The following CSF2RA variants were observed in gnomAD, a reference collection of about 807,000 sequenced individuals.
The protein encoded by CSF2RA is granulocyte-macrophage colony-stimulating factor receptor subunit alpha.
In CSF2RA, 42 loss-of-function variants were observed where a neutral mutation model predicts 51.6. That is an observed-to-expected ratio of 0.81 (90% CI 0.64 to 1.05). CSF2RA has a LOEUF of 1.05. CSF2RA is among the 50% of genes least tolerant of loss of function. CSF2RA has a pLI of 0.00. For synonymous variants in CSF2RA, 222 were observed against 193.0 expected (o/e 1.15, Z -1.24); for missense variants, 530 against 501.1 (o/e 1.06, Z -0.55).
the CSF2RA span, among the ~76,000 whole-genome samples, chrX:1,322,463 A>G: frequency 7.7e-6 from 1 of 129,570 alleles, no homozygotes; most frequent in Non-Finnish European, 1.7e-5. Flanking sequence ...TTTTTTTGAA[A>G]GGTAGCTCTC....
intron 6 of CSF2RA, among the ~76,000 whole-genome samples, chrX:1,289,606 GTGTT>G (rs1318017322): frequency 6.7e-6 from 1 of 148,606 alleles, no homozygotes; most frequent in African/African-American, 2.5e-5. Flanking sequence ...TTTGTTTTTT[GTGTT>G]TGTTTTTGTT....
chrX:1,271,319 G>A (rs188026617), intron 1 of CSF2RA, among the ~76,000 whole-genome samples: 3 of 51,504 alleles, frequency 5.8e-5, no homozygotes, highest in African/African-American at 1.4e-4. Context: ...CACCACGCCC[G>A]GCTAATTTTT....
the CSF2RA span, among the ~76,000 whole-genome samples, chrX:1,322,973 CA>C: frequency 8.5e-4 from 128 of 151,012 alleles, no homozygotes; most frequent in Non-Finnish European, 2.9e-4. Context: ...ACTAAAAATA[CA>C]AAAAATTAGC....
In CSF2RA at chrX:1,309,568, C is replaced by A. The variant is rs1603439232; in HGVS notation, c.*89C>A. On this transcript the variant is annotated 3_prime_UTR_variant, in exon 13 of 13. Transcript: ENST00000381529. ...TTGATGATGCTGTGAACCTTTATATCATTTTCTATGTTTTTATTTAAAAAC... is the reference window on the plus strand; with the variant it reads ...TTGATGATGCTGTGAACCTTTATATAATTTTCTATGTTTTTATTTAAAAAC... 3 of 1,613,778 alleles carry A rather than the reference C, an allele frequency of 1.9e-6. No individual in the cohort carries two copies. Among genetic ancestry groups the A allele is most frequent in the African/African-American group, 1.3e-5 (1 of 74,904 alleles).
At chrX:1,313,963 C>T (rs1186855947), downstream of CSF2RA, among the ~76,000 whole-genome samples, 1 of 151,862 alleles carries the variant, frequency 6.6e-6, no homozygotes, top group East Asian at 1.9e-4. Context: ...TGCACTCCGG[C>T]CTGGGTGACA....
At chrX:1,283,716 T>C (rs1375291435) in intron 3 of CSF2RA, among the ~76,000 whole-genome samples, 2 of 151,706 alleles carry the variant, frequency 1.3e-5, no homozygotes, top group South Asian at 2.1e-4. Context: ...TACAGGCGCC[T>C]GCCACCAGGC....
At chrX:1,324,550 G>A in the CSF2RA span, among the ~76,000 whole-genome samples, 1 of 146,396 alleles carries the variant, frequency 6.8e-6, no homozygotes, top group East Asian at 2.0e-4. Flanking sequence ...GGAAGGGAAA[G>A]AAAGGAAAGA....
chrX:1,268,993 C>A, intron 1 of CSF2RA, 114 bp downstream of exon 1: 1 of 408,614 alleles, frequency 2.4e-6, no homozygotes, highest in South Asian at 1.7e-5. Context: ...CATAAGATTT[C>A]AAACGTTGGC....
At chrX:1,275,284 C>T (rs1377255940) in intron 2 of CSF2RA, among the ~76,000 whole-genome samples, 1 of 151,550 alleles carries the variant, frequency 6.6e-6, no homozygotes, top group Non-Finnish European at 1.5e-5. Flanking sequence ...CCAGCTACTC[C>T]GGAGGCCGAG....
downstream of CSF2RA, among the ~76,000 whole-genome samples, chrX:1,312,365 T>C (rs1341138255): frequency 6.6e-6 from 1 of 152,174 alleles, no homozygotes; most frequent in African/African-American, 2.4e-5. Context: ...GTCCACAGCA[T>C]GCTTATCCAG....
At chrX:1,313,873 T>G (rs73624856), downstream of CSF2RA, among the ~76,000 whole-genome samples, 26,470 of 150,250 alleles carry the variant, frequency 0.18, 3,292 homozygotes, top group East Asian at 0.44. Context: ...GTAATTGCAG[T>G]TGCTGTACTC....
intron 7 of CSF2RA, among the ~76,000 whole-genome samples, chrX:1,291,518 A>T (rs1225417503): frequency 1.3e-5 from 2 of 151,520 alleles, no homozygotes; most frequent in Non-Finnish European, 2.9e-5. Context: ...AGCCAGTCCC[A>T]TATGCCCACA....
chrX:1,320,083 G>C, the CSF2RA span, among the ~76,000 whole-genome samples: 24 of 151,956 alleles, frequency 1.6e-4, no homozygotes, highest in African/African-American at 5.8e-4. Flanking sequence ...TTTTAGTACA[G>C]ACGGGATTTC....
At chrX:1,306,878 A>AGG (rs2083626412) in intron 12 of CSF2RA, among the ~76,000 whole-genome samples, 1 of 150,734 alleles carries the variant, frequency 6.6e-6, no homozygotes, top group Non-Finnish European at 1.5e-5. Flanking sequence ...AGAGAGAGAG[A>AGG]CAGAAAGAGA....
At position 1,294,318 on chromosome X, in the gene CSF2RA, C is replaced by A; in HGVS notation, c.647-10C>A. ...CGGGTTCAGGGGTGTGTCCTGCGCC[C>A]TCGTTACAGAACGATTCAACCCTCC... On this transcript the variant is annotated splice_polypyrimidine_tract_variant and intron_variant, in intron 7 of 12. Transcript: ENST00000381529. 1 of 1,613,012 alleles carries A rather than the reference C, an allele frequency of 6.2e-7. No homozygotes were observed. Among genetic ancestry groups the A allele is most frequent in the African/African-American group, 1.3e-5 (1 of 74,986 alleles).
chrX:1,324,016 A>C, the CSF2RA span, among the ~76,000 whole-genome samples: 2 of 150,840 alleles, frequency 1.3e-5, no homozygotes, highest in South Asian at 4.2e-4. Context: ...TCCGTCTCAA[A>C]AAAAAAAAAA....
intron 9 of CSF2RA, among the ~76,000 whole-genome samples, chrX:1,296,137 C>G (rs1477209091): frequency 6.7e-6 from 1 of 150,356 alleles, no homozygotes; most frequent in Non-Finnish European, 1.5e-5. Flanking sequence ...AGTCCCCTAC[C>G]CATGACCCCT....
At chrX:1,294,936 C>T in intron 8 of CSF2RA, among the ~76,000 whole-genome samples, 2 of 152,232 alleles carry the variant, frequency 1.3e-5, no homozygotes. Flanking sequence ...TGTCCCACAA[C>T]TACCTGGACC....
intron 12 of CSF2RA, among the ~76,000 whole-genome samples, chrX:1,308,170 A>C (rs1487128952): frequency 6.6e-6 from 1 of 152,130 alleles, no homozygotes; most frequent in African/African-American, 2.4e-5. Context: ...TGACATCTAC[A>C]AAGCCCCTTC....
Sources: allele counts gnomAD v4.1 joint callset (sites outside exome capture counted in the v4.1 genomes callset), GRCh38; gene constraint gnomAD v4.1.1; transcripts MANE v1.5; gene names NCBI Gene and HGNC (gene_info 2026-07-23, HGNC 2026-07-21).